PTPRM: variants seen among roughly 807,000 people sequenced by gnomAD.
PTPRM encodes protein tyrosine phosphatase receptor type M.
In PTPRM, 47 loss-of-function variants were observed where a neutral mutation model predicts 186.7. The ratio of observed to expected loss-of-function variants is 0.25; its 90% CI spans 0.20 to 0.32. The LOEUF (loss-of-function observed/expected upper bound fraction) is 0.32, where lower values mean the gene tolerates loss of function less well. PTPRM is among the 10% of genes least tolerant of loss of function. The probability of loss-of-function intolerance (pLI) is 1.00; values close to 1 mark genes in which losing one functional copy is unlikely to be tolerated. For synonymous variants in PTPRM, 668 were observed against 674.9 expected, an observed-to-expected ratio of 0.99 and a Z score of 0.16; for missense variants, 1,494 against 1,865.0, an observed-to-expected ratio of 0.80 and a Z score of 3.66.
rs1470662491 is a variant in PTPRM at position 8,069,885 on chromosome 18, C to T, written c.1332C>T (p.His444=). Reference sequence around the variant, plus strand: ...ATACAGAAAACTCACACCCTCAACACACGATCACTAACCTGTCACCATACA... The same window carrying T: ...ATACAGAAAACTCACACCCTCAACATACGATCACTAACCTGTCACCATACA... ...SWDTENSHPQ[H]TITNLSPYTN... Residue 444 remains histidine, a synonymous_variant, in exon 8 of 33, where the codon CAC becomes CAT. Transcript: ENST00000580170. The T allele has an allele frequency of 3.7e-6, 6 of 1,613,608 alleles. No individual in the cohort carries two copies. Among genetic ancestry groups the T allele is most frequent in the Admixed American group, 1.7e-5 (1 of 59,980 alleles).
At chr18:7,865,200 G>T (rs1377276943) in intron 2 of PTPRM, among the ~76,000 whole-genome samples, 1 of 152,050 alleles carries the variant, frequency 6.6e-6, no homozygotes, top group Non-Finnish European at 1.5e-5. Context: ...TCTTTCTCTT[G>T]CCTGATTGCC....
rs79102719 is a variant in PTPRM, at chr18:7,659,227, C to T, written c.73+91336C>T. On this transcript the variant is annotated intron_variant, in intron 1 of 32. Coordinates refer to ENST00000580170, the MANE Select transcript of PTPRM (RefSeq NM_001105244.2). ...TACATACTAAATATTTTCCTATTTT[C>T]GTTTGTCTCCTGCTACTAGTATGTG... is the stretch of plus-strand genomic sequence containing the variant. Among the ~76,000 whole-genome samples, 1,081 of 151,270 alleles carry T rather than the reference C, an allele frequency of 7.1e-3. 14 individuals carry two copies. Among genetic ancestry groups the T allele is most frequent in the African/African-American group, 0.025 (1,044 of 41,166 alleles).
chr18:7,842,947 TAG>T lies in PTPRM; in HGVS notation c.197-45127_197-45126del, dbSNP rs1555616950. Among the ~76,000 whole-genome samples, 762 of 112,010 alleles carry T rather than the reference TAG, an allele frequency of 6.8e-3. 16 individuals carry two copies. The highest frequency in any genetic ancestry group is 0.025 in the African/African-American group (594 of 23,764). 73.5% of individuals were successfully genotyped at this position (112,010 alleles called of 152,430 possible). Reference sequence around the variant, plus strand: ...GTGTGTGTGTATATATATATATATATAGAGAGAGAGAGAGAGAGAGAGAGAGA... The same window carrying T: ...GTGTGTGTGTATATATATATATATATAGAGAGAGAGAGAGAGAGAGAGAGA... On this transcript the variant is annotated intron_variant, in intron 2 of 32. Coordinates refer to ENST00000580170, the MANE Select transcript of PTPRM (RefSeq NM_001105244.2).
In PTPRM at chr18:7,980,412, G is replaced by A. The variant is rs557167809; in HGVS notation, c.1132+24998G>A. Among the ~76,000 whole-genome samples, 20 of 151,910 alleles carry A rather than the reference G, an allele frequency of 1.3e-4. No individual in the cohort carries two copies. The East Asian group carries it at 3.3e-3, about 25-fold the overall frequency. On this transcript the variant is annotated intron_variant, in intron 7 of 32. Coordinates refer to ENST00000580170, the MANE Select transcript of PTPRM (RefSeq NM_001105244.2). ...TTATTTTTAGTATTTTTAGAGACAG[G>A]GTCTTGCTCTGTCACCCAGGCTGGA...
intron 7 of PTPRM, among the ~76,000 whole-genome samples, chr18:8,046,572 G>A (rs543045359): frequency 1.3e-5 from 2 of 152,262 alleles, no homozygotes; most frequent in South Asian, 4.2e-4. Flanking sequence ...CAGGGACGAA[G>A]TATGATTCCC....
Position 8,247,841 on chromosome 18 carries a change from A to G in PTPRM, c.2453-4A>G, listed in dbSNP as rs1456804174. ...CCCCTGACCAGCCTCTCTTTTATTT[A>G]CAGCTGTGTCTTCACCATCGTCCTT... is the stretch of plus-strand genomic sequence containing the variant. On this transcript the variant is annotated splice_region_variant and splice_polypyrimidine_tract_variant and intron_variant, in intron 15 of 32. Transcript: ENST00000580170. 4 of 1,587,654 alleles carry G rather than the reference A, an allele frequency of 2.5e-6. No individual in the cohort carries two copies. The African/African-American group carries it at 5.4e-5, about 21-fold the overall frequency.
chr18:8,004,187 T>C (rs2084035134), intron 7 of PTPRM, among the ~76,000 whole-genome samples: 1 of 152,164 alleles, frequency 6.6e-6, no homozygotes, highest in Non-Finnish European at 1.5e-5. Flanking sequence ...TGAAAATTGT[T>C]TTGAAAACCA....
intron 7 of PTPRM, among the ~76,000 whole-genome samples, chr18:8,052,312 T>C (rs1327348014): frequency 6.6e-6 from 1 of 152,206 alleles, no homozygotes; most frequent in African/African-American, 2.4e-5. Flanking sequence ...TATAGGGTCA[T>C]GTGTTGCATA....
intron 7 of PTPRM, among the ~76,000 whole-genome samples, chr18:8,051,794 A>G: frequency 6.6e-6 from 1 of 152,086 alleles, no homozygotes; most frequent in East Asian, 1.9e-4. Flanking sequence ...TGGTAAAGAC[A>G]TTTCTGCACA....
At chr18:8,346,374 T>C (rs1252175433) in intron 23 of PTPRM, among the ~76,000 whole-genome samples, 1 of 152,214 alleles carries the variant, frequency 6.6e-6, no homozygotes, top group Admixed American at 6.5e-5. Context: ...CTCCTGGCTT[T>C]CATGTGGCCA....
chr18:8,042,454 G>A (rs1487059076), intron 7 of PTPRM, among the ~76,000 whole-genome samples: 2 of 152,066 alleles, frequency 1.3e-5, no homozygotes, highest in Non-Finnish European at 2.9e-5. Flanking sequence ...ATATGAGAGG[G>A]CAGATGCCTT....
chr18:7,640,594 T>C (rs562513067), intron 1 of PTPRM, among the ~76,000 whole-genome samples: 1 of 152,218 alleles, frequency 6.6e-6, no homozygotes, highest in Non-Finnish European at 1.5e-5. Context: ...TAACTTTAGG[T>C]CATCCTTATT....
At position 7,701,181 on chromosome 18, in the gene PTPRM, G is replaced by A. The variant is rs368629210; in HGVS notation, c.74-72968G>A. 2.6e-4 allele frequency among the ~76,000 whole-genome samples: 40 copies of A among 151,630 alleles called. No homozygotes were observed. In the South Asian group the frequency reaches 8.2e-3, roughly 31 times the overall value. On this transcript the variant is annotated intron_variant, in intron 1 of 32. Coordinates refer to ENST00000580170, the MANE Select transcript of PTPRM (RefSeq NM_001105244.2). ...TAGCTGGGCATGGTGGCATGTGCCT[G>A]TAGTCCCAGCTACTCGGGAGGCTGA... is the stretch of plus-strand genomic sequence containing the variant.
intron 3 of PTPRM, among the ~76,000 whole-genome samples, chr18:7,900,951 G>A (rs551471913): frequency 1.1e-4 from 16 of 151,898 alleles, no homozygotes; most frequent in South Asian, 8.3e-4. Flanking sequence ...ATTTTGTTCC[G>A]TTTCATAAAA....
intron 22 of PTPRM, among the ~76,000 whole-genome samples, chr18:8,320,329 A>G (rs1160705920): frequency 1.3e-5 from 2 of 152,112 alleles, no homozygotes; most frequent in African/African-American, 4.8e-5. Flanking sequence ...AGGAGAGGGA[A>G]GGAGTTAACA....
At chr18:8,374,795 A>G (rs1568856175) in intron 24 of PTPRM, among the ~76,000 whole-genome samples, 1 of 152,254 alleles carries the variant, frequency 6.6e-6, no homozygotes, top group Non-Finnish European at 1.5e-5. Context: ...GTGCCAAGGA[A>G]GTCTTATCTC....
chr18:8,297,169 T>A (rs563447779), intron 20 of PTPRM, among the ~76,000 whole-genome samples: 7 of 152,184 alleles, frequency 4.6e-5, no homozygotes, highest in African/African-American at 7.2e-5. Flanking sequence ...CATGACTGCA[T>A]CAAGGCACTG....
At chr18:7,961,185 CTT>C (rs1343134968) in intron 7 of PTPRM, among the ~76,000 whole-genome samples, 2 of 152,152 alleles carry the variant, frequency 1.3e-5, no homozygotes, top group East Asian at 3.9e-4. Flanking sequence ...ATTATTGACT[CTT>C]GTCACCCTAT....
chr18:8,101,769 G>A (rs1360121830), intron 11 of PTPRM, among the ~76,000 whole-genome samples: 1 of 152,164 alleles, frequency 6.6e-6, no homozygotes, highest in Non-Finnish European at 1.5e-5. Context: ...GAGCTGTCAG[G>A]ACCTTGCCTC....
Sources: gnomAD v4.1 joint callset for allele counts (sites outside exome capture counted in the v4.1 genomes callset) on GRCh38, gnomAD v4.1.1 for gene constraint, MANE v1.5 for transcripts, NCBI Gene and HGNC (gene_info 2026-07-23, HGNC 2026-07-21) for gene names.